The following CACNA1S variants were observed in gnomAD, a reference collection of about 807,000 sequenced individuals.
The protein encoded by CACNA1S is calcium voltage-gated channel subunit alpha1 S.
CACNA1S carries 126 observed loss-of-function variants against 207.4 expected under a neutral mutation model. The ratio of observed to expected loss-of-function variants is 0.61; its 90% confidence interval spans 0.53 to 0.70. The LOEUF is 0.70. Ranked by LOEUF, CACNA1S falls within the 30% of genes least tolerant of loss-of-function variation. The pLI, the probability that CACNA1S is intolerant of heterozygous loss-of-function variation, is 0.00. For missense variants in CACNA1S, 2,349 were observed against 2,422.8 expected, an observed-to-expected ratio of 0.97 and a Z score of 0.64; for synonymous variants, 960 against 932.7, an observed-to-expected ratio of 1.03 and a Z score of -0.53.
At chr1:201,073,811 C>G (rs1661503927) in intron 14 of CACNA1S, among the ~76,000 whole-genome samples, 169 bp from the exon 15 acceptor site, 1 of 152,348 alleles carries the variant, frequency 6.6e-6, no homozygotes, top group South Asian at 2.1e-4. Context: ...AGTCCCTTCT[C>G]TGTGGTGAGA....
intron 6 of CACNA1S, 53 bp downstream of exon 6, chr1:201,089,205 T>C: frequency 6.3e-7 from 1 of 1,580,860 alleles, no homozygotes; most frequent in African/African-American, 1.3e-5. Flanking sequence ...CCCACTCCCT[T>C]GCAAGCCTGT....
Position 201,062,093 on chromosome 1 carries a change from G to A in CACNA1S, c.2907-3C>T. 6.2e-7 allele frequency: 1 copy of A among 1,613,422 alleles called. No homozygotes were observed. The highest frequency in any genetic ancestry group is 1.1e-5 in the South Asian group (1 of 90,900). ...CCTTGTACACGTAGTAGTAGCCCCT[G>A]TGGCAGGGAGGCCCAGTCACTCCAC... is the stretch of plus-strand genomic sequence containing the variant. On this transcript the variant is annotated splice_region_variant and splice_polypyrimidine_tract_variant and intron_variant, in intron 23 of 43. Transcript: ENST00000362061.
chr1:201,106,937 G>A (rs1217059647), intron 2 of CACNA1S, among the ~76,000 whole-genome samples: 1 of 152,238 alleles, frequency 6.6e-6, no homozygotes. Flanking sequence ...GTCAGCCCAG[G>A]GTAGAGACAA....
At position 201,087,835 on chromosome 1, in the gene CACNA1S, A is replaced by G; in HGVS notation, c.995T>C (p.Val332Ala). 1 of 1,610,672 alleles carries G rather than the reference A, an allele frequency of 6.2e-7. No homozygotes were observed. The highest frequency in any genetic ancestry group is 8.5e-7 in the Non-Finnish European group (1 of 1,177,496). ...SFFILNLVLGVLSGEFTKERE... is the reference protein window; with the variant it reads ...SFFILNLVLGALSGEFTKERE... The stretch of plus-strand genomic sequence containing the variant: ...CCTTTGAATTTCTTACCCACTCAGG[A>G]CACCCAGCACCAGGTTGAGGATGAA... Residue 332 changes from valine (V) to alanine (A), a missense_variant, in exon 7 of 44, where the codon GTC (valine) becomes GCC (alanine). Val to Ala is a moderately conservative substitution (Grantham distance 64). Transcript: ENST00000362061.
chr1:201,054,364 G>T, intron 29 of CACNA1S, 141 bp downstream of exon 29: 1 of 825,208 alleles, frequency 1.2e-6, no homozygotes, highest in East Asian at 2.6e-5. Flanking sequence ...CCTAGCCTGG[G>T]TCCTCAGCAG....
intron 7 of CACNA1S, among the ~76,000 whole-genome samples, chr1:201,087,117 A>G (rs56231523): frequency 4.5e-4 from 69 of 152,288 alleles, no homozygotes; most frequent in African/African-American, 1.6e-3. Context: ...TGACAGCAGG[A>G]CTGGTCTCAA....
chr1:201,105,479 T>C (rs1043224942), intron 2 of CACNA1S, among the ~76,000 whole-genome samples: 7 of 152,140 alleles, frequency 4.6e-5, no homozygotes, highest in African/African-American at 1.7e-4. Context: ...AGTAGGTGAG[T>C]GGGCCTGGGC....
chr1:201,041,510 C>T lies in CACNA1S; in HGVS notation c.5128G>A (p.Val1710Ile), dbSNP rs767718166. Residue 1710 changes from valine (V) to isoleucine (I), a missense_variant, in exon 41 of 44, where the codon GTC (valine) becomes ATC (isoleucine). Physicochemically the swap from Val to Ile is conservative, Grantham distance 29 (BLOSUM62 3). Coordinates refer to ENST00000362061, the MANE Select transcript of CACNA1S (RefSeq NM_000069.3). ...RGRALGQPCR[V>I]LGPHSKPCVE... The stretch of plus-strand genomic sequence containing the variant: ...ATGCACAGAAGGGACTGACCCAGGA[C>T]CCTGCAGGGTTGGCCAAGGGCTCGT... 2 of 1,613,396 alleles carry T rather than the reference C, an allele frequency of 1.2e-6. No individual in the cohort carries two copies. The highest frequency in any genetic ancestry group is 2.2e-5 in the South Asian group (2 of 91,058).
At chr1:201,043,032 C>T (rs556709560) in intron 40 of CACNA1S, 9 of 482,112 alleles carry the variant, frequency 1.9e-5, no homozygotes, top group South Asian at 1.0e-4. Flanking sequence ...TTGCTGAAGC[C>T]GACGGAATAA....
At chr1:201,045,786 G>T (rs1660450733) in intron 38 of CACNA1S, among the ~76,000 whole-genome samples, 2 of 150,508 alleles carry the variant, frequency 1.3e-5, no homozygotes, top group Admixed American at 6.6e-5. Flanking sequence ...CTGATTTTGT[G>T]GTTATGTTGT....
chr1:201,041,405 C>A (rs936190245), intron 41 of CACNA1S, 99 bp downstream of exon 41: 6 of 899,056 alleles, frequency 6.7e-6, no homozygotes, highest in Admixed American at 4.0e-5. Context: ...CCCAAGCCAG[C>A]CCTCCCAGCC....
At chr1:201,055,528 C>A (rs747551409) in intron 28 of CACNA1S, among the ~76,000 whole-genome samples, 1 of 152,192 alleles carries the variant, frequency 6.6e-6, no homozygotes, top group Non-Finnish European at 1.5e-5. Context: ...AATATGGTAG[C>A]CATTAGCCAC....
intron 16 of CACNA1S, among the ~76,000 whole-genome samples, chr1:201,072,106 G>A (rs1330548728): frequency 1.3e-5 from 2 of 152,152 alleles, no homozygotes; most frequent in Admixed American, 1.3e-4. Flanking sequence ...TGGGCCCCAG[G>A]GCTCTGTCAG....
chr1:201,110,206 C>G lies in CACNA1S; in HGVS notation c.216G>C (p.Leu72=), dbSNP rs754538534. Residue 72 remains leucine, a synonymous_variant, in exon 2 of 44, where the codon CTG becomes CTC. Coordinates refer to ENST00000362061, the MANE Select transcript of CACNA1S (RefSeq NM_000069.3). The part of the protein sequence containing the change: ...FANCVALAVY[L]PMPEDDNNSL... ...AGTTGTTGTCATCTTCCGGCATGGG[C>G]AGGTACACGGCCAGGGCCACACAAT... 17 of 1,614,188 alleles carry G rather than the reference C, an allele frequency of 1.1e-5. No individual in the cohort carries two copies. The highest frequency in any genetic ancestry group is 1.4e-5 in the Non-Finnish European group (16 of 1,180,024).
chr1:201,060,542 A>C, intron 26 of CACNA1S, 116 bp downstream of exon 26: 12 of 1,048,244 alleles, frequency 1.1e-5, no homozygotes, highest in African/African-American at 1.6e-5. Context: ...CTCAGCACAC[A>C]GTGCACAAGA....
intron 40 of CACNA1S, chr1:201,041,984 T>C (rs1021678475): frequency 6.0e-6 from 2 of 332,986 alleles, no homozygotes; most frequent in East Asian, 7.0e-5. Flanking sequence ...GGCCCAGGCA[T>C]TGGGATTTGC....
At chr1:201,050,838 A>G (rs908384765) in intron 33 of CACNA1S, 146 bp downstream of exon 33, 2 of 901,104 alleles carry the variant, frequency 2.2e-6, no homozygotes, top group Non-Finnish European at 3.6e-6. Flanking sequence ...GATGACCAGA[A>G]TGGGGGACAA....
At chr1:201,099,312 C>T (rs1052114239) in intron 2 of CACNA1S, among the ~76,000 whole-genome samples, 4 of 152,208 alleles carry the variant, frequency 2.6e-5, no homozygotes, top group African/African-American at 4.8e-5. Context: ...TCCCCATGTG[C>T]CCCGCTGGAG....
At chr1:201,085,129 A>C in intron 8 of CACNA1S, 98 bp from the exon 9 acceptor site, 1 of 859,744 alleles carries the variant, frequency 1.2e-6, no homozygotes, top group Non-Finnish European at 1.9e-6. Context: ...TTGACCAGAG[A>C]CATCTGCAAC....
Sources: allele counts gnomAD v4.1 joint callset (sites outside exome capture counted in the v4.1 genomes callset), GRCh38; gene constraint gnomAD v4.1.1; transcripts MANE v1.5; gene names NCBI Gene and HGNC (gene_info 2026-07-23, HGNC 2026-07-21).